CARMIL1: variants seen among roughly 807,000 people sequenced by gnomAD.
CARMIL1 encodes F-actin-uncapping protein LRRC16A.
Under a neutral mutation model 177.1 loss-of-function variants are expected in CARMIL1, and 90 were observed. That is an observed-to-expected ratio of 0.51 (90% confidence interval 0.43 to 0.61). The LOEUF (loss-of-function observed/expected upper bound fraction) is 0.61, where lower values mean the gene tolerates loss of function less well. Among genes scored for constraint, CARMIL1 ranks in the 20% least tolerant of loss-of-function variants. The pLI is 0.00. For synonymous variants in CARMIL1, 577 were observed against 606.2 expected (o/e 0.95, Z 0.71); for missense variants, 1,380 against 1,667.0 (o/e 0.83, Z 3.00).
At chr6:25,595,898 A>G (rs1301575037) in intron 32 of CARMIL1, among the ~76,000 whole-genome samples, 1 of 152,164 alleles carries the variant, frequency 6.6e-6, no homozygotes, top group Non-Finnish European at 1.5e-5. Flanking sequence ...TATAGCTTCA[A>G]TGTCTAACGC....
At chr6:25,439,174 A>G (rs1370858300) in intron 5 of CARMIL1, among the ~76,000 whole-genome samples, 1 of 149,854 alleles carries the variant, frequency 6.7e-6, no homozygotes, top group African/African-American at 2.5e-5. Context: ...GGTGGGGGAC[A>G]AGTATTTTCT....
chr6:25,432,128 C>T (rs978807295), intron 4 of CARMIL1, among the ~76,000 whole-genome samples: 3 of 152,074 alleles, frequency 2.0e-5, no homozygotes, highest in East Asian at 1.9e-4. Context: ...CCGCGGTGGA[C>T]GTTTGTTTTT....
At chr6:25,600,024 A>T (rs1439253265) in intron 32 of CARMIL1, among the ~76,000 whole-genome samples, 1 of 152,180 alleles carries the variant, frequency 6.6e-6, no homozygotes, top group Non-Finnish European at 1.5e-5. Context: ...TAAAACAAGA[A>T]ACAAAGGGAG....
intron 24 of CARMIL1, among the ~76,000 whole-genome samples, chr6:25,533,837 T>C (rs1167604925): frequency 6.6e-6 from 1 of 152,190 alleles, no homozygotes; most frequent in Non-Finnish European, 1.5e-5. Flanking sequence ...GAGAGTCCTA[T>C]CTTCCCAATT....
rs1439888872 is a variant in CARMIL1, at chr6:25,619,577, T to A, written c.4110T>A (p.Phe1370Leu). The change falls in exon 37 of 37, where the codon TTT becomes TTA. Residue 1370 changes from phenylalanine to leucine, a missense_variant. Transcript: ENST00000329474. ...SGEEAEKEFI[F>L]V ...AAGAAGCAGAAAAAGAGTTTATTTT[T>A]GTGTAAAGGTCACCCACGCAGAAGT... 3.1e-6 allele frequency: 5 copies of A among 1,613,510 alleles called. No homozygotes were observed. In the East Asian group the frequency reaches 6.7e-5, roughly 22 times the overall value.
chr6:25,380,148 C>A (rs757627419), intron 2 of CARMIL1, among the ~76,000 whole-genome samples: 23 of 152,238 alleles, frequency 1.5e-4, no homozygotes, highest in Admixed American at 1.2e-3. Context: ...GCCATATGGA[C>A]CAAAAGTGAA....
chr6:25,413,758 C>T (rs1160573658), intron 2 of CARMIL1, among the ~76,000 whole-genome samples: 1 of 152,186 alleles, frequency 6.6e-6, no homozygotes, highest in Non-Finnish European at 1.5e-5. Flanking sequence ...TGTAGCTTAC[C>T]CTTTGTGGTG....
intron 18 of CARMIL1, 78 bp from the exon 19 acceptor site, chr6:25,510,423 GTCACCT>G: frequency 1.3e-6 from 1 of 794,242 alleles, no homozygotes; most frequent in Non-Finnish European, 2.0e-6. Context: ...CCAACTATAT[GTCACCT>G]TTGCTTAATT....
Position 25,540,010 on chromosome 6 carries a change from A to T in CARMIL1, c.2260A>T (p.Ser754Cys). 6.2e-7 allele frequency: 1 copy of T among 1,609,148 alleles called. No homozygotes were observed. The highest frequency in any genetic ancestry group is 8.5e-7 in the Non-Finnish European group (1 of 1,177,908). The change falls in exon 26 of 37, where the codon AGT becomes TGT. Residue 754 changes from serine (S) to cysteine (C), a missense_variant. Ser to Cys is a moderately radical substitution (Grantham distance 112). Transcript: ENST00000329474. ...GGCGGGAGCCAGTGGCTTACTATCC[A>T]GTCCAATTCAGGAGACCCTGGAATC... Reference protein sequence around the residue: ...SWAGASGLLSSPIQETLESMA... With the variant: ...SWAGASGLLSCPIQETLESMA...
At chr6:25,513,756 C>T (rs1257107294) in intron 20 of CARMIL1, among the ~76,000 whole-genome samples, 1 of 152,068 alleles carries the variant, frequency 6.6e-6, no homozygotes, top group East Asian at 1.9e-4. Flanking sequence ...CTTGAGAGCT[C>T]CAATCCCCCA....
chr6:25,488,555 A>AG lies in CARMIL1; in HGVS notation c.1038dup (p.Asn347GlufsTer7). 1 of 1,613,920 alleles carries AG rather than the reference A, an allele frequency of 6.2e-7. No homozygotes were observed. The highest frequency in any genetic ancestry group is 8.5e-7 in the Non-Finnish European group (1 of 1,179,810). ...CTACCCTTGTCCACCTCGACCTCTC[A>AG]GGGAACGTCCTTCGTGGAGATGACC... On this transcript the variant is annotated frameshift_variant, in exon 13 of 37. Transcript: ENST00000329474. LOFTEE classifies it high-confidence loss of function.
At chr6:25,298,523 G>C (rs1020393302) in intron 2 of CARMIL1, among the ~76,000 whole-genome samples, 2 of 152,166 alleles carry the variant, frequency 1.3e-5, no homozygotes, top group African/African-American at 2.4e-5. Context: ...ACAACGCTGT[G>C]CATTTCCAAT....
chr6:25,327,994 TA>T (rs1785281348), intron 2 of CARMIL1, among the ~76,000 whole-genome samples: 1 of 152,208 alleles, frequency 6.6e-6, no homozygotes, highest in African/African-American at 2.4e-5. Flanking sequence ...GAGGAATGAA[TA>T]TTTGGCATTA....
intron 2 of CARMIL1, among the ~76,000 whole-genome samples, chr6:25,324,438 C>G (rs1223436902): frequency 1.3e-5 from 2 of 151,256 alleles, no homozygotes; most frequent in African/African-American, 4.9e-5. Flanking sequence ...ACACCCTGAT[C>G]AGAAGAAAAA....
chr6:25,600,537 G>A lies in CARMIL1; in HGVS notation c.3343G>A (p.Glu1115Lys), dbSNP rs775025651. ...TCCCAGGAAGGACACAAAGGCCGCC[G>A]AGCACAATGGCAATTCTGAACGGAT... The part of the protein sequence containing the change: ...DCPRKDTKAA[E>K]HNGNSERIEE... The change falls in exon 33 of 37, where the codon GAG becomes AAG. Residue 1115 changes from glutamate to lysine, a missense_variant. Transcript: ENST00000329474. The A allele has an allele frequency of 5.6e-6, 9 of 1,613,886 alleles. No individual in the cohort carries two copies. Among genetic ancestry groups the A allele is most frequent in the Admixed American group, 5.0e-5 (3 of 60,008 alleles).
At chr6:25,392,068 G>A (rs1177402016) in intron 2 of CARMIL1, among the ~76,000 whole-genome samples, 2 of 73,506 alleles carry the variant, frequency 2.7e-5, no homozygotes, top group South Asian at 1.2e-3. Context: ...GTGTGTGTGT[G>A]TGTGTGTGTG....
chr6:25,577,654 T>A lies in CARMIL1; in HGVS notation c.2743-3270T>A, dbSNP rs185811836. Among the ~76,000 whole-genome samples, 4 of 152,278 alleles carry A rather than the reference T, an allele frequency of 2.6e-5. No individual in the cohort carries two copies. In the East Asian group the frequency reaches 5.8e-4, roughly 22 times the overall value. On this transcript the variant is annotated intron_variant, in intron 29 of 36. Transcript: ENST00000329474. This position sits in a 1 kb window ranked among gnomAD's most constrained non-coding sequence, Gnocchi z 4.5. The stretch of plus-strand genomic sequence containing the variant: ...AGGAATTACATGTTAAAAGTGGGTT[T>A]GACAGGAAAAAAATGTTACGTTGTT...
chr6:25,323,027 C>T (rs183097311), intron 2 of CARMIL1, among the ~76,000 whole-genome samples: 3 of 152,190 alleles, frequency 2.0e-5, no homozygotes, highest in African/African-American at 4.8e-5. Context: ...TTTTTCCAGG[C>T]GCACCCTTTC....
chr6:25,528,995 A>G (rs997110020), intron 24 of CARMIL1, 102 bp downstream of exon 24: 11 of 853,890 alleles, frequency 1.3e-5, no homozygotes, highest in Admixed American at 2.9e-5. Context: ...GTCAATAAGA[A>G]CTAGTTTTTG....
Sources: allele counts gnomAD v4.1 joint callset (sites outside exome capture counted in the v4.1 genomes callset), GRCh38; gene constraint gnomAD v4.1.1; non-coding constraint Gnocchi (gnomAD v3.1); transcripts MANE v1.5; gene names NCBI Gene and HGNC (gene_info 2026-07-23, HGNC 2026-07-21).